The following ACOT12 variants were observed in gnomAD, a reference collection of about 807,000 sequenced individuals.
ACOT12 encodes acyl-CoA thioesterase 12, also known as acetyl-coenzyme A thioesterase.
In ACOT12, 51 loss-of-function variants were observed where a neutral mutation model predicts 67.7. The ratio of observed to expected loss-of-function variants is 0.75; its 90% CI spans 0.60 to 0.95. The LOEUF is 0.95. ACOT12 is among the 40% of genes least tolerant of loss of function. The pLI is 0.00. For synonymous variants in ACOT12, 251 were observed against 244.6 expected (o/e 1.03, Z -0.24); for missense variants, 734 against 708.1 (o/e 1.04, Z -0.41).
intron 2 of ACOT12, among the ~76,000 whole-genome samples, chr5:81,384,072 A>G (rs926704899): frequency 2.7e-5 from 4 of 150,460 alleles, no homozygotes; most frequent in Non-Finnish European, 5.9e-5. Flanking sequence ...AGCAACTTCC[A>G]GCCTTCCAAG....
intron 7 of ACOT12, among the ~76,000 whole-genome samples, chr5:81,345,350 T>G (rs1759348403): frequency 6.6e-6 from 1 of 152,172 alleles, no homozygotes; most frequent in African/African-American, 2.4e-5. Flanking sequence ...GGGGGAGGGC[T>G]TAAATTATGC....
chr5:81,329,728 G>A (rs1316833826), downstream of ACOT12, among the ~76,000 whole-genome samples: 1 of 152,136 alleles, frequency 6.6e-6, no homozygotes, highest in Admixed American at 6.5e-5. Context: ...AAGAGATCAC[G>A]GTCAATATTC....
At chr5:81,348,842 G>A (rs112053961) in intron 5 of ACOT12, among the ~76,000 whole-genome samples, 1,858 of 152,356 alleles carry the variant, frequency 0.012, 27 homozygotes, top group African/African-American at 0.043. Flanking sequence ...GGGAATACAG[G>A]CGTGAGCCAC....
Position 81,343,735 on chromosome 5 carries a change from G to T in ACOT12, c.1044+83C>A, listed in dbSNP as rs1192073627. On this transcript the variant is annotated intron_variant, in intron 10 of 14. Transcript: ENST00000307624. ...TTTTCACATAGCCTGCGTAGGCACA[G>T]CCTAGGCCAGTTAGGCAAGCGGATT... is the stretch of plus-strand genomic sequence containing the variant. The T allele has an allele frequency of 5.0e-6, 7 of 1,408,962 alleles. No individual in the cohort carries two copies. The South Asian group carries it at 6.1e-5, about 12-fold the overall frequency. The allele number at this position is 1,408,962 out of a possible 1,614,324, so 87.3% of individuals were successfully genotyped here. A position where few individuals can be genotyped will look rare whatever the true frequency, so the allele number is the denominator to read the frequency against.
intron 6 of ACOT12, among the ~76,000 whole-genome samples, chr5:81,346,265 A>G (rs1487219466): frequency 6.6e-6 from 1 of 152,160 alleles, no homozygotes; most frequent in African/African-American, 2.4e-5. Flanking sequence ...TTTCCTGTGG[A>G]AGTCCCTTGG....
chr5:81,346,381 G>A (rs1357298059), intron 6 of ACOT12, among the ~76,000 whole-genome samples: 3 of 152,202 alleles, frequency 2.0e-5, no homozygotes, highest in Admixed American at 1.3e-4. Context: ...GGGTCCAAGT[G>A]AAGGCAGGTG....
At chr5:81,352,607 A>T (rs1207893207) in intron 5 of ACOT12, among the ~76,000 whole-genome samples, 2 of 152,094 alleles carry the variant, frequency 1.3e-5, no homozygotes, top group African/African-American at 4.8e-5. Flanking sequence ...AGAGGCTGGG[A>T]AGGGTAGTGG....
the ACOT12 span, among the ~76,000 whole-genome samples, chr5:81,321,068 CA>C: frequency 3.1e-4 from 47 of 152,214 alleles, no homozygotes; most frequent in African/African-American, 1.1e-3. Flanking sequence ...CCGGCCTGGG[CA>C]ACATGGCAAA....
rs1358769865 is a variant in ACOT12 at position 81,344,096 on chromosome 5, G to C, written c.980+64C>G. 4 of 1,504,672 alleles carry C rather than the reference G, an allele frequency of 2.7e-6. No individual in the cohort carries two copies. The African/African-American group carries it at 5.6e-5, about 21-fold the overall frequency. 93.2% of individuals were successfully genotyped at this position (1,504,672 alleles called of 1,614,324 possible). A position where few individuals can be genotyped will look rare whatever the true frequency, so the allele number is the denominator to read the frequency against. ...CGTGGGAATAGAGACCCAGAGGGGG[G>C]CTCTTATATAATTTGTCAGATTAAC... is the stretch of plus-strand genomic sequence containing the variant. On this transcript the variant is annotated intron_variant, in intron 9 of 14. Coordinates refer to ENST00000307624, the MANE Select transcript of ACOT12 (RefSeq NM_130767.3).
intron 9 of ACOT12, 77 bp downstream of exon 9, chr5:81,344,082 AG>A (rs761843848): frequency 1.2e-4 from 178 of 1,477,090 alleles, no homozygotes; most frequent in Non-Finnish European, 1.5e-4. Context: ...GTGGGAATAG[AG>A]ACCCAGAGGG....
At chr5:81,321,755 T>C in the ACOT12 span, among the ~76,000 whole-genome samples, 1 of 152,182 alleles carries the variant, frequency 6.6e-6, no homozygotes, top group African/African-American at 2.4e-5. Context: ...AAGACCAGCC[T>C]GGGCAACATG....
At chr5:81,393,649 C>G (rs903601089) in intron 1 of ACOT12, among the ~76,000 whole-genome samples, 4 of 152,008 alleles carry the variant, frequency 2.6e-5, no homozygotes, top group African/African-American at 9.7e-5. Flanking sequence ...CTCAGGAGGT[C>G]GAGGCTGCAG....
chr5:81,376,018 C>A (rs976763764), intron 2 of ACOT12, among the ~76,000 whole-genome samples: 2 of 152,102 alleles, frequency 1.3e-5, no homozygotes, highest in Middle Eastern at 6.3e-3. Flanking sequence ...CTCTCCACCC[C>A]AAATGAACAG....
chr5:81,342,904 A>G, intron 10 of ACOT12, 149 bp from the exon 11 acceptor site: 2 of 814,524 alleles, frequency 2.5e-6, no homozygotes, highest in East Asian at 2.8e-5. Context: ...ACTACAGGCC[A>G]GGTGAAGTGG....
At chr5:81,333,101 C>T (rs7720907) in intron 12 of ACOT12, among the ~76,000 whole-genome samples, 78 of 147,796 alleles carry the variant, frequency 5.3e-4, no homozygotes, top group African/African-American at 1.8e-3. Context: ...AAACAAAAAA[C>T]GCAAGAGCTC....
rs1482239963 is a variant in ACOT12, at chr5:81,330,307, T to C, written c.*87A>G. 4 of 1,422,654 alleles carry C rather than the reference T, an allele frequency of 2.8e-6. No homozygotes were observed. In the African/African-American group the frequency reaches 5.7e-5, roughly 20 times the overall value. 88.1% of individuals were successfully genotyped at this position (1,422,654 alleles called of 1,614,324 possible). On this transcript the variant is annotated 3_prime_UTR_variant, in exon 15 of 15. Coordinates refer to ENST00000307624, the MANE Select transcript of ACOT12 (RefSeq NM_130767.3). Reference sequence around the variant, plus strand: ...CTTAGGGTTATATTAAATTATTTTGTGGCCCCAAAGCTTGACAGATGTCAG... The same window carrying C: ...CTTAGGGTTATATTAAATTATTTTGCGGCCCCAAAGCTTGACAGATGTCAG...
chr5:81,384,170 G>A (rs1760665971), intron 2 of ACOT12, among the ~76,000 whole-genome samples: 1 of 141,206 alleles, frequency 7.1e-6, no homozygotes, highest in Non-Finnish European at 1.5e-5. Flanking sequence ...CGCCCAGGCT[G>A]CTGGAGTGTA....
intron 1 of ACOT12, among the ~76,000 whole-genome samples, chr5:81,386,497 C>T (rs1760727823): frequency 1.3e-5 from 2 of 152,054 alleles, no homozygotes; most frequent in Admixed American, 1.3e-4. Flanking sequence ...GTAATTTGCT[C>T]AGATTTTTTT....
At chr5:81,323,044 A>C in the ACOT12 span, among the ~76,000 whole-genome samples, 1 of 151,134 alleles carries the variant, frequency 6.6e-6, no homozygotes, top group Non-Finnish European at 1.5e-5. Context: ...AGATAAATGC[A>C]ATTATACTGA....
Sources: gnomAD v4.1 joint callset for allele counts (sites outside exome capture counted in the v4.1 genomes callset) on GRCh38, gnomAD v4.1.1 for gene constraint, MANE v1.5 for transcripts, NCBI Gene and HGNC (gene_info 2026-07-23, HGNC 2026-07-21) for gene names.